FKBP1B: variants seen among roughly 807,000 people sequenced by gnomAD.
FKBP1B encodes the protein peptidyl-prolyl cis-trans isomerase FKBP1B.
FKBP1B carries 4 observed loss-of-function variants against 13.5 expected under a neutral mutation model. The ratio of observed to expected loss-of-function variants is 0.30; its 90% CI spans 0.15 to 0.68. The LOEUF (loss-of-function observed/expected upper bound fraction) is 0.68, where lower values mean the gene tolerates loss of function less well. Ranked by LOEUF, FKBP1B falls within the 30% of genes least tolerant of loss-of-function variation. The pLI is 0.76. For missense variants in FKBP1B, 93 were observed against 136.2 expected (o/e 0.68, Z 1.58); for synonymous variants, 54 against 53.6 (o/e 1.01, Z -0.03).
chr2:24,039,482 T>C, the FKBP1B span: 1 of 1,611,052 alleles, frequency 6.2e-7, no homozygotes, highest in Non-Finnish European at 8.5e-7. Context: ...AGTTTTCCTT[T>C]TCCCAACTCC....
the FKBP1B span, chr2:24,039,175 T>A: frequency 6.2e-7 from 1 of 1,614,162 alleles, no homozygotes. Flanking sequence ...TCCTCTAATC[T>A]CACAAGTCTG....
At chr2:24,035,079 A>G in the FKBP1B span, among the ~76,000 whole-genome samples, 3 of 151,788 alleles carry the variant, frequency 2.0e-5, no homozygotes, top group Non-Finnish European at 4.4e-5. Context: ...CTAACATCTA[A>G]TAAAATATTT....
At chr2:24,037,919 T>C in the FKBP1B span, 6 of 1,614,130 alleles carry the variant, frequency 3.7e-6, no homozygotes, top group Non-Finnish European at 5.1e-6. Context: ...CTGCTGTGTC[T>C]GGGCAGCGAT....
chr2:24,036,223 G>C, the FKBP1B span, among the ~76,000 whole-genome samples: 1 of 151,030 alleles, frequency 6.6e-6, no homozygotes, highest in Non-Finnish European at 1.5e-5. Context: ...TGTAGGGTTG[G>C]GGCCACATGC....
chr2:24,060,960 G>A, intron 3 of FKBP1B, 34 bp downstream of exon 3: 2 of 1,521,322 alleles, frequency 1.3e-6, no homozygotes, highest in Non-Finnish European at 1.8e-6. Flanking sequence ...GGGGATCTGG[G>A]GAGTTGGGGA....
At position 24,050,815 on chromosome 2, in the gene FKBP1B, C is replaced by T. The variant is rs1046044890; in HGVS notation, c.37+929C>T. Among the ~76,000 whole-genome samples the T allele has an allele frequency of 2.9e-4, 44 of 152,332 alleles. 3 individuals are homozygous for T. The highest frequency in any genetic ancestry group is 1.0e-3 in the African/African-American group (43 of 41,570). On this transcript the variant is annotated intron_variant, in intron 1 of 3. Transcript: ENST00000380986. The surrounding 1 kb of genome is among the most constrained non-coding windows in gnomAD (Gnocchi z 5.8). ...CCCAGGAAATTGGATAACTTCTTGG[C>T]TCCAGGCCATCTTCCTTGTCCAATC...
At chr2:24,044,817 TAAAAAAAAAAAAAAA>T (rs747340836), upstream of FKBP1B, among the ~76,000 whole-genome samples, 1 of 103,928 alleles carries the variant, frequency 9.6e-6, no homozygotes, top group East Asian at 2.6e-4. Flanking sequence ...GAATTATCTT[TAAAAAAAAAAAAAAA>T]AAAAAAAAAG....
At position 24,063,292 on chromosome 2, in the gene FKBP1B, T is replaced by G. The variant is rs1664485325; in HGVS notation, c.*100T>G. 3 of 1,150,462 alleles carry G rather than the reference T, an allele frequency of 2.6e-6. No individual in the cohort carries two copies. Among genetic ancestry groups the G allele is most frequent in the Non-Finnish European group, 3.6e-6 (3 of 838,700 alleles). The allele number at this position is 1,150,462 out of a possible 1,614,324, so 71.3% of individuals were successfully genotyped here. On this transcript the variant is annotated 3_prime_UTR_variant, in exon 4 of 4. Coordinates refer to ENST00000380986, the MANE Select transcript of FKBP1B (RefSeq NM_004116.5). ...TCCTGCTTTTGGGGCTCTTGATCAGTGTGCTAACCTCACTGCCTCATGGCA... is the reference window on the plus strand; with the variant it reads ...TCCTGCTTTTGGGGCTCTTGATCAGGGTGCTAACCTCACTGCCTCATGGCA...
chr2:24,035,441 T>A, the FKBP1B span, among the ~76,000 whole-genome samples: 1 of 151,874 alleles, frequency 6.6e-6, no homozygotes, highest in Non-Finnish European at 1.5e-5. Flanking sequence ...AAACATAGGG[T>A]AGGAATAAGA....
At position 24,060,563 on chromosome 2, in the gene FKBP1B, T is replaced by TAA. The variant is rs1664342836; in HGVS notation, c.86-249_86-248dup. On this transcript the variant is annotated intron_variant, in intron 2 of 3. Transcript: ENST00000380986. ...TGAGATTCTGTCTCAAATAAATAAA[T>TAA]AAATAAATAAAAATAGAAATGAAGA... Among the ~76,000 whole-genome samples, 13 of 151,886 alleles carry TAA rather than the reference T, an allele frequency of 8.6e-5. No homozygotes were observed. The South Asian group carries it at 2.7e-3, about 32-fold the overall frequency.
At chr2:24,038,616 AT>A in the FKBP1B span, 2 of 1,614,036 alleles carry the variant, frequency 1.2e-6, no homozygotes, top group East Asian at 4.5e-5. Flanking sequence ...CCTCAGACTT[AT>A]GTTGATTGAA....
At chr2:24,035,811 G>A in the FKBP1B span, among the ~76,000 whole-genome samples, 4 of 151,662 alleles carry the variant, frequency 2.6e-5, no homozygotes, top group African/African-American at 4.8e-5. Context: ...TGGCTTACAC[G>A]TGTAATCTCA....
Position 24,058,160 on chromosome 2 carries a change from G to A in FKBP1B, c.86-2654G>A, listed in dbSNP as rs576016481. 1.6e-3 allele frequency among the ~76,000 whole-genome samples: 235 copies of A among 150,832 alleles called. 10 individuals are homozygous for A. In the South Asian group the frequency reaches 0.047, roughly 30 times the overall value. On this transcript the variant is annotated intron_variant, in intron 2 of 3. Transcript: ENST00000380986. ...GGTTGCAGTGAGCTGAGATTGAGCC[G>A]CTGCACTCCAGCCTGGGTGACAGAG...
chr2:24,038,503 G>A, the FKBP1B span: 117 of 1,614,202 alleles, frequency 7.2e-5, 2 homozygotes, highest in South Asian at 7.6e-4. Context: ...GACTTTTCTC[G>A]TCATGGTAAC....
intron 3 of FKBP1B, among the ~76,000 whole-genome samples, chr2:24,062,085 A>G (rs1424730969): frequency 6.6e-6 from 1 of 151,824 alleles, no homozygotes; most frequent in East Asian, 1.9e-4. Context: ...GTTAGCCAAG[A>G]TGGTCTCGGT....
intron 2 of FKBP1B, among the ~76,000 whole-genome samples, chr2:24,055,610 A>G (rs952248487): frequency 6.6e-6 from 1 of 152,068 alleles, no homozygotes; most frequent in Non-Finnish European, 1.5e-5. Context: ...TGTTTGGCTT[A>G]TTTCACTCAC....
At chr2:24,043,154 C>T in the FKBP1B span, among the ~76,000 whole-genome samples, 40 of 151,788 alleles carry the variant, frequency 2.6e-4, 1 homozygote, top group Non-Finnish European at 2.6e-4. Context: ...GCCAACATGG[C>T]GAAACCTCGT....
intron 3 of FKBP1B, among the ~76,000 whole-genome samples, chr2:24,062,779 T>C (rs1664453843): frequency 6.6e-6 from 1 of 152,228 alleles, no homozygotes; most frequent in Non-Finnish European, 1.5e-5. Flanking sequence ...AATGGAAGTG[T>C]TTCAGTCATA....
chr2:24,044,448 G>A, the FKBP1B span, among the ~76,000 whole-genome samples: 1 of 152,158 alleles, frequency 6.6e-6, no homozygotes. Flanking sequence ...TATATTTTTA[G>A]TAGAGACTGG....
Sources: gnomAD v4.1 joint callset for allele counts (sites outside exome capture counted in the v4.1 genomes callset) on GRCh38, gnomAD v4.1.1 for gene constraint, Gnocchi (gnomAD v3.1) non-coding constraint, MANE v1.5 for transcripts, NCBI Gene and HGNC (gene_info 2026-07-23, HGNC 2026-07-21) for gene names.